The following PCID2 variants were observed in gnomAD, a reference collection of about 807,000 sequenced individuals.
PCID2 encodes the protein PCI domain containing 2.
PCID2 carries 41 observed loss-of-function variants against 61.3 expected under a neutral mutation model. The observed-to-expected ratio is 0.67, with a 90% confidence interval of 0.52 to 0.87. The LOEUF (loss-of-function observed/expected upper bound fraction) is 0.87. PCID2 is among the 40% of genes least tolerant of loss of function. PCID2 has a pLI of 0.00. For missense variants in PCID2, 392 were observed against 493.4 expected (o/e 0.79, Z 1.95); for synonymous variants, 187 against 177.8 (o/e 1.05, Z -0.41).
downstream of PCID2, among the ~76,000 whole-genome samples, chr13:113,173,047 C>T (rs1000055134): frequency 6.6e-6 from 1 of 152,188 alleles, no homozygotes; most frequent in African/African-American, 2.4e-5. Flanking sequence ...TCTCTTCTCC[C>T]ATACGAGGAC....
chr13:113,171,882 G>A, the PCID2 span: 1 of 1,613,726 alleles, frequency 6.2e-7, no homozygotes, highest in Non-Finnish European at 8.5e-7. The surrounding 1 kb of genome is among the most constrained non-coding windows in gnomAD (Gnocchi z 5.1). Flanking sequence ...GGGGAGGAGT[G>A]CGGGCAGGTC....
chr13:113,183,986 ATGT>A (rs1455717496), intron 9 of PCID2: 1 of 985,420 alleles, frequency 1.0e-6, no homozygotes, highest in Non-Finnish European at 1.2e-6. Context: ...GCTGAACTAA[ATGT>A]TGTCCTAATC....
intron 7 of PCID2, among the ~76,000 whole-genome samples, chr13:113,189,449 G>A (rs1037452679): frequency 3.3e-5 from 5 of 151,618 alleles, no homozygotes; most frequent in African/African-American, 1.2e-4. Flanking sequence ...AGCAACACAA[G>A]AGGACTAAAA....
At chr13:113,187,166 A>G (rs2038190971) in intron 7 of PCID2, 1 of 152,146 alleles carries the variant, frequency 6.6e-6, no homozygotes, top group Non-Finnish European at 1.5e-5. Context: ...CTATGGAAAA[A>G]CCAAACAAAA....
intron 6 of PCID2, among the ~76,000 whole-genome samples, chr13:113,191,949 GT>G (rs1031909173): frequency 6.6e-6 from 1 of 152,154 alleles, no homozygotes; most frequent in African/African-American, 2.4e-5. Context: ...AGTAAAATTA[GT>G]TTCCTTTAAA....
At chr13:113,205,667 G>C (rs375401508) in intron 1 of PCID2, among the ~76,000 whole-genome samples, 2 of 152,242 alleles carry the variant, frequency 1.3e-5, no homozygotes, top group African/African-American at 4.8e-5. Flanking sequence ...AAAAAAGAAC[G>C]ACACACTGAC....
chr13:113,197,100 T>C lies in PCID2; in HGVS notation c.266+78A>G, dbSNP rs2039072866. 1.9e-6 allele frequency: 3 copies of C among 1,614,232 alleles called. No homozygotes were observed. The South Asian group carries it at 3.3e-5, about 18-fold the overall frequency. ...CTGCAGAAATGAGCAACTGGCCCAG[T>C]GTTTCCGGGTCTCAAGTCCCAAGTA... On this transcript the variant is annotated intron_variant, in intron 4 of 13. Transcript: ENST00000337344.
rs145806476 is a variant in PCID2 at position 113,189,804 on chromosome 13, C to T, written c.467+1068G>A. Among the ~76,000 whole-genome samples, 102 of 151,160 alleles carry T rather than the reference C, an allele frequency of 6.7e-4. No individual in the cohort carries two copies. In the East Asian group the frequency reaches 0.018, roughly 27 times the overall value. The stretch of plus-strand genomic sequence containing the variant: ...TTGGGAGGCCGAGGAGGGTGGATCA[C>T]CTGAGGTCAGAAATTCAAGACAAGC... On this transcript the variant is annotated intron_variant, in intron 7 of 13. Coordinates refer to ENST00000337344, the MANE Select transcript of PCID2 (RefSeq NM_001127202.4).
chr13:113,172,035 G>A, the PCID2 span: 10 of 1,613,124 alleles, frequency 6.2e-6, no homozygotes, highest in Non-Finnish European at 6.8e-6. Flanking sequence ...CCAGTAGGAG[G>A]GCAGGCTCAC....
At chr13:113,207,919 CCT>C in intron 1 of PCID2, 1 of 974,146 alleles carries the variant, frequency 1.0e-6, no homozygotes, top group Non-Finnish European at 1.7e-6. Context: ...ATTTCCTATC[CCT>C]GTTACCACAG....
the PCID2 span, chr13:113,170,300 G>A: frequency 3.5e-5 from 23 of 664,638 alleles, no homozygotes; most frequent in East Asian, 1.4e-4. Flanking sequence ...TGCCTTTGGC[G>A]GGGGGTGGGG....
chr13:113,195,303 C>T (rs2038932334), intron 5 of PCID2, among the ~76,000 whole-genome samples, 178 bp from the exon 6 acceptor site: 1 of 152,212 alleles, frequency 6.6e-6, no homozygotes, highest in Admixed American at 6.5e-5. Context: ...AGGCCTCAGA[C>T]TTCCTGATCA....
chr13:113,170,412 G>A, the PCID2 span: 2 of 1,559,886 alleles, frequency 1.3e-6, no homozygotes, highest in African/African-American at 1.4e-5. Context: ...GATTTTTAAA[G>A]GTAAAGTTAA....
In PCID2 at chr13:113,206,916, T is replaced by C. The variant is rs887291098; in HGVS notation, c.36+1683A>G. ...CTTCCCTTCTCAGTCTTTCCCATCATGTGACTACGAAGGAGTCTCAGGTTT... is the reference window on the plus strand; with the variant it reads ...CTTCCCTTCTCAGTCTTTCCCATCACGTGACTACGAAGGAGTCTCAGGTTT... On this transcript the variant is annotated intron_variant, in intron 1 of 13. Coordinates refer to ENST00000337344, the MANE Select transcript of PCID2 (RefSeq NM_001127202.4). 3.9e-5 allele frequency among the ~76,000 whole-genome samples: 6 copies of C among 152,226 alleles called. 1 individual carries two copies. The highest frequency in any genetic ancestry group is 5.9e-5 in the Non-Finnish European group (4 of 68,042).
chr13:113,203,127 C>A (rs1035750497), intron 1 of PCID2, among the ~76,000 whole-genome samples: 1 of 152,232 alleles, frequency 6.6e-6, no homozygotes, highest in African/African-American at 2.4e-5. Context: ...TGAGAAAGAG[C>A]AGCACTGGCA....
At chr13:113,180,844 T>C (rs745383358) in intron 10 of PCID2, among the ~76,000 whole-genome samples, 1 of 152,248 alleles carries the variant, frequency 6.6e-6, no homozygotes, top group Non-Finnish European at 1.5e-5. Flanking sequence ...GGAATACAAA[T>C]GATACGTACT....
chr13:113,206,831 T>C (rs1246860514), intron 1 of PCID2, among the ~76,000 whole-genome samples: 3 of 152,230 alleles, frequency 2.0e-5, no homozygotes, highest in East Asian at 1.9e-4. Flanking sequence ...CACATCTCCA[T>C]AGAAGTCCAT....
chr13:113,181,340 C>A, intron 9 of PCID2, 110 bp from the exon 10 acceptor site: 1 of 627,828 alleles, frequency 1.6e-6, no homozygotes, highest in Non-Finnish European at 2.8e-6. Context: ...AAGCCCCCTC[C>A]CTTTATTATC....
At chr13:113,199,183 T>C (rs1390950798) in intron 2 of PCID2, among the ~76,000 whole-genome samples, 1 of 152,182 alleles carries the variant, frequency 6.6e-6, no homozygotes, top group Non-Finnish European at 1.5e-5. Context: ...GTTGCACTAG[T>C]AGACTCAGGA....
Sources: allele counts gnomAD v4.1 joint callset (sites outside exome capture counted in the v4.1 genomes callset), GRCh38; gene constraint gnomAD v4.1.1; non-coding constraint Gnocchi (gnomAD v3.1); transcripts MANE v1.5; gene names NCBI Gene and HGNC (gene_info 2026-07-23, HGNC 2026-07-21).